MYO7B: variants seen among roughly 807,000 people sequenced by gnomAD.
MYO7B encodes the protein unconventional myosin-VIIb.
Under a neutral mutation model 259.7 loss-of-function variants are expected in MYO7B, and 212 were observed. That is an observed-to-expected ratio of 0.82 (90% CI 0.73 to 0.91). The LOEUF (loss-of-function observed/expected upper bound fraction) is 0.91. Ranked by LOEUF, MYO7B falls within the 40% of genes least tolerant of loss-of-function variation. The pLI is 0.00. For synonymous variants in MYO7B, 1,197 were observed against 1,166.4 expected, an observed-to-expected ratio of 1.03 and a Z score of -0.54; for missense variants, 2,732 against 2,813.5, an observed-to-expected ratio of 0.97 and a Z score of 0.66.
At position 127,576,466 on chromosome 2, in the gene MYO7B, C is replaced by G. The variant is rs985736917; in HGVS notation, c.736-129C>G. The G allele has an allele frequency of 8.0e-5, 46 of 575,168 alleles. No homozygotes were observed. The South Asian group carries it at 1.1e-3, about 13-fold the overall frequency. 35.6% of individuals were successfully genotyped at this position (575,168 alleles called of 1,614,324 possible). On this transcript the variant is annotated intron_variant, in intron 7 of 47. Transcript: ENST00000409816. The surrounding 1 kb of genome is among the most constrained non-coding windows in gnomAD (Gnocchi z 4.9). ...AAGCCAGGCTGGCCCTGGGTCAGTG[C>G]CAGAGCTGCTCCTGGCTGAGAGATG...
chr2:127,628,129 A>AT lies in MYO7B; in HGVS notation c.4461-242dup. ...GTCACTGCACACCAGCCACCTCATT[A>AT]TCTGCCCACAGCCAACCCCACACAT... On this transcript the variant is annotated intron_variant, in intron 33 of 47. Transcript: ENST00000409816. This position sits in a 1 kb window ranked among gnomAD's most constrained non-coding sequence, Gnocchi z 4.8. 1.5e-6 allele frequency: 1 copy of AT among 657,912 alleles called. No individual in the cohort carries two copies. The allele number at this position is 657,912 out of a possible 1,614,324, so 40.8% of individuals were successfully genotyped here.
chr2:127,546,287 C>T lies in MYO7B; in HGVS notation c.-24+10456C>T, dbSNP rs1243264457. 2.6e-5 allele frequency among the ~76,000 whole-genome samples: 4 copies of T among 152,182 alleles called. No individual in the cohort carries two copies. The highest frequency in any genetic ancestry group is 6.5e-5 in the Admixed American group (1 of 15,282). On this transcript the variant is annotated intron_variant, in intron 1 of 47. Transcript: ENST00000409816. The surrounding 1 kb of genome is among the most constrained non-coding windows in gnomAD (Gnocchi z 4.2). ...CTGTGAAGTGGGATGTCTCCATGGA[C>T]AGCACAGGGTTGCTGTGGGGCTCAA... is the stretch of plus-strand genomic sequence containing the variant.
rs780969803 is a variant in MYO7B at position 127,559,718 on chromosome 2, T to C, written c.-5T>C. ...CATACAGGCTTGTGGAACTGCTGAC[T>C]CAGGATGTCGGGGTTCAGGCTGGTA... On this transcript the variant is annotated 5_prime_UTR_variant, in exon 2 of 48. Coordinates refer to ENST00000409816, the MANE Select transcript of MYO7B (RefSeq NM_001393586.1). This position sits in a 1 kb window ranked among gnomAD's most constrained non-coding sequence, Gnocchi z 4.1. 7.4e-6 allele frequency: 12 copies of C among 1,613,874 alleles called. No individual in the cohort carries two copies. The South Asian group carries it at 1.3e-4, about 18-fold the overall frequency.
At position 127,632,416 on chromosome 2, in the gene MYO7B, T is replaced by A; in HGVS notation, c.5405+15T>A. ...AAGGTCCTGAGGTGAGCCCAGTGCC[T>A]CCAGCCCCCAGCATTGGCCCTGGGC... is the stretch of plus-strand genomic sequence containing the variant. On this transcript the variant is annotated intron_variant, in intron 39 of 47. Transcript: ENST00000409816. The A allele has an allele frequency of 6.6e-7, 1 of 1,516,716 alleles. No individual in the cohort carries two copies. Among genetic ancestry groups the A allele is most frequent in the Admixed American group, 2.2e-5 (1 of 46,312 alleles). 94.0% of individuals were successfully genotyped at this position (1,516,716 alleles called of 1,614,324 possible).
chr2:127,571,459 TGCTTGTTTG>T (rs1678619242), intron 6 of MYO7B, among the ~76,000 whole-genome samples: 76 of 111,802 alleles, frequency 6.8e-4, no homozygotes, highest in South Asian at 1.1e-3. Flanking sequence ...TTTTTTTTTT[TGCTTGTTTG>T]TTTTTTGTTT....
Position 127,636,193 on chromosome 2 carries a change from C to T in MYO7B, c.6007-15C>T. 1.2e-6 allele frequency: 2 copies of T among 1,601,046 alleles called. No homozygotes were observed. Among genetic ancestry groups the T allele is most frequent in the Non-Finnish European group, 1.7e-6 (2 of 1,169,820 alleles). On this transcript the variant is annotated splice_polypyrimidine_tract_variant and intron_variant, in intron 44 of 47. Transcript: ENST00000409816. The surrounding 1 kb of genome is among the most constrained non-coding windows in gnomAD (Gnocchi z 4.5). Reference sequence around the variant, plus strand: ...TCTGGGCACCCAAGTCCTTACTGGCCCTCCTGTCCCCCAGAGCATCCTTCT... The same window carrying T: ...TCTGGGCACCCAAGTCCTTACTGGCTCTCCTGTCCCCCAGAGCATCCTTCT...
In MYO7B at chr2:127,578,323, G is replaced by A. The variant is rs779825619; in HGVS notation, c.1003+37G>A. Reference sequence around the variant, plus strand: ...TCTGCCCCAACTGCACCCTTGGGGAGGGAGAGGGAAGGGGACAGGAGCAGG... The same window carrying A: ...TCTGCCCCAACTGCACCCTTGGGGAAGGAGAGGGAAGGGGACAGGAGCAGG... On this transcript the variant is annotated intron_variant, in intron 9 of 47. Transcript: ENST00000409816. The A allele has an allele frequency of 1.7e-5, 28 of 1,611,758 alleles. No homozygotes were observed. In the African/African-American group the frequency reaches 1.9e-4, roughly 11 times the overall value.
chr2:127,635,046 TGG>T (rs1053313552), intron 42 of MYO7B, 72 bp from the exon 43 acceptor site: 3 of 1,204,258 alleles, frequency 2.5e-6, no homozygotes, highest in Non-Finnish European at 3.6e-6. Context: ...AGGCGCAGTG[TGG>T]GGGGTGGCAG....
chr2:127,538,631 T>A (rs754977443), intron 1 of MYO7B, among the ~76,000 whole-genome samples: 4 of 151,932 alleles, frequency 2.6e-5, no homozygotes, highest in African/African-American at 9.7e-5. Flanking sequence ...AATGGCATGA[T>A]CTCGGCTCAC....
chr2:127,623,084 C>A, intron 28 of MYO7B, 118 bp from the exon 29 acceptor site: 1 of 1,277,458 alleles, frequency 7.8e-7, no homozygotes, highest in Non-Finnish European at 1.1e-6. Flanking sequence ...CCCTGGGAAC[C>A]CACGGGATGG....
Position 127,627,407 on chromosome 2 carries a change from C to A in MYO7B, c.4460+97C>A, listed in dbSNP as rs2105107980. The A allele has an allele frequency of 6.6e-7, 1 of 1,519,388 alleles. No individual in the cohort carries two copies. The highest frequency in any genetic ancestry group is 2.3e-5 in the East Asian group (1 of 43,310). The allele number at this position is 1,519,388 out of a possible 1,614,324, so 94.1% of individuals were successfully genotyped here. On this transcript the variant is annotated intron_variant, in intron 33 of 47. Coordinates refer to ENST00000409816, the MANE Select transcript of MYO7B (RefSeq NM_001393586.1). The surrounding 1 kb of genome is among the most constrained non-coding windows in gnomAD (Gnocchi z 5.6). ...ATGGGGAGAGGGGCAGTGTGCCGTC[C>A]CGGGTAACAGGCCGGGGTGGAGGGA...
Position 127,636,492 on chromosome 2 carries a change from G to C in MYO7B, c.6124-53G>C. The C allele has an allele frequency of 6.4e-7, 1 of 1,553,806 alleles. No individual in the cohort carries two copies. Among genetic ancestry groups the C allele is most frequent in the Non-Finnish European group, 8.8e-7 (1 of 1,139,704 alleles). The stretch of plus-strand genomic sequence containing the variant: ...TGTGGCCTAGATGAGCTCCTGGGAG[G>C]TGCAGCCTGGCCTCCCGGGCTGGAC... On this transcript the variant is annotated intron_variant, in intron 45 of 47. Coordinates refer to ENST00000409816, the MANE Select transcript of MYO7B (RefSeq NM_001393586.1). The surrounding 1 kb of genome is among the most constrained non-coding windows in gnomAD (Gnocchi z 4.5).
At chr2:127,631,577 A>C in intron 37 of MYO7B, 23 bp from the exon 38 acceptor site, 1 of 1,611,784 alleles carries the variant, frequency 6.2e-7, no homozygotes. Flanking sequence ...CTGCCCCAGC[A>C]CTGTGCTCCT....
At chr2:127,547,137 C>T (rs753293578) in intron 1 of MYO7B, among the ~76,000 whole-genome samples, 10 of 152,134 alleles carry the variant, frequency 6.6e-5, no homozygotes, top group Non-Finnish European at 1.5e-4. Flanking sequence ...TCCATCAGCC[C>T]ACCCTTCCAC....
At chr2:127,549,622 G>C (rs1347849910) in intron 1 of MYO7B, among the ~76,000 whole-genome samples, 2 of 152,210 alleles carry the variant, frequency 1.3e-5, no homozygotes, top group Non-Finnish European at 2.9e-5. Flanking sequence ...GGCAGAAGCA[G>C]GTTTGGGGAT....
In MYO7B at chr2:127,628,687, G is replaced by A. The variant is rs577248663; in HGVS notation, c.4624+152G>A. Among the ~76,000 whole-genome samples, 24 of 152,168 alleles carry A rather than the reference G, an allele frequency of 1.6e-4. No individual in the cohort carries two copies. Among genetic ancestry groups the A allele is most frequent in the Non-Finnish European group, 2.9e-5 (2 of 68,014 alleles). On this transcript the variant is annotated intron_variant, in intron 34 of 47. Transcript: ENST00000409816. This position sits in a 1 kb window ranked among gnomAD's most constrained non-coding sequence, Gnocchi z 4.8. Reference sequence around the variant, plus strand: ...CCAAAGCTCTGTGGGGGCAGCTTTAGGCAAGGCCCTGCCTTCTTTCAGCCA... The same window carrying A: ...CCAAAGCTCTGTGGGGGCAGCTTTAAGCAAGGCCCTGCCTTCTTTCAGCCA...
At chr2:127,571,162 T>C (rs1678588312) in intron 6 of MYO7B, among the ~76,000 whole-genome samples, 1 of 152,080 alleles carries the variant, frequency 6.6e-6, no homozygotes, top group African/African-American at 2.4e-5. Flanking sequence ...ACTTCCGAAA[T>C]GTTTTCCAAA....
At position 127,585,294 on chromosome 2, in the gene MYO7B, A is replaced by G. The variant is rs888409365; in HGVS notation, c.1690+381A>G. On this transcript the variant is annotated intron_variant, in intron 14 of 47. Coordinates refer to ENST00000409816, the MANE Select transcript of MYO7B (RefSeq NM_001393586.1). The surrounding 1 kb of genome is among the most constrained non-coding windows in gnomAD (Gnocchi z 4.3). ...TGGGCAACAATTAATTTCTGTCTCT[A>G]TGGATTTGCCTATTCTGACTTTTTG... is the stretch of plus-strand genomic sequence containing the variant. Among the ~76,000 whole-genome samples the G allele has an allele frequency of 5.9e-5, 9 of 152,080 alleles. No individual in the cohort carries two copies. The highest frequency in any genetic ancestry group is 1.2e-4 in the Non-Finnish European group (8 of 68,022).
chr2:127,631,506 T>C (rs1031313848), intron 37 of MYO7B, 94 bp from the exon 38 acceptor site: 4 of 1,528,926 alleles, frequency 2.6e-6, no homozygotes, highest in Non-Finnish European at 3.5e-6. Flanking sequence ...AGCCCACACA[T>C]GGCTCACCGC....
Sources: allele counts gnomAD v4.1 joint callset (sites outside exome capture counted in the v4.1 genomes callset), GRCh38; gene constraint gnomAD v4.1.1; non-coding constraint Gnocchi (gnomAD v3.1); transcripts MANE v1.5; gene names NCBI Gene and HGNC (gene_info 2026-07-23, HGNC 2026-07-21).